The following SETBP1 variants were observed in gnomAD, a reference collection of about 807,000 sequenced individuals.
The protein encoded by SETBP1 is SET binding protein 1.
SETBP1 carries 9 observed loss-of-function variants against 101.0 expected under a neutral mutation model. The observed-to-expected ratio is 0.09, with a 90% CI of 0.05 to 0.16. SETBP1 has a LOEUF of 0.16. SETBP1 is among the 10% of genes least tolerant of loss of function. The pLI is 1.00. For missense variants in SETBP1, 1,858 were observed against 2,033.8 expected, an observed-to-expected ratio of 0.91 and a Z score of 1.66; for synonymous variants, 818 against 788.5, an observed-to-expected ratio of 1.04 and a Z score of -0.63.
At chr18:45,051,034 T>G (rs1243401774) in intron 5 of SETBP1, among the ~76,000 whole-genome samples, 2 of 152,200 alleles carry the variant, frequency 1.3e-5, no homozygotes, top group East Asian at 3.8e-4. Context: ...CATTTTGTTG[T>G]GTAATTAATG....
chr18:44,797,310 T>C (rs1239991937), intron 2 of SETBP1, among the ~76,000 whole-genome samples: 1 of 152,258 alleles, frequency 6.6e-6, no homozygotes, highest in Non-Finnish European at 1.5e-5. Context: ...TTATAACTCC[T>C]AAGCTTCAAT....
chr18:44,875,551 A>G (rs982221812), intron 3 of SETBP1, among the ~76,000 whole-genome samples: 1 of 148,892 alleles, frequency 6.7e-6, no homozygotes, highest in East Asian at 2.0e-4. Context: ...AAAAAAAAAA[A>G]GAAGGAGTGA....
At chr18:44,724,727 G>T (rs1361632292) in intron 2 of SETBP1, among the ~76,000 whole-genome samples, 1 of 152,126 alleles carries the variant, frequency 6.6e-6, no homozygotes, top group African/African-American at 2.4e-5. Context: ...TAAAGGACAG[G>T]GGTTAGCAGC....
intron 5 of SETBP1, among the ~76,000 whole-genome samples, chr18:45,054,211 A>C (rs910537485): frequency 6.6e-6 from 1 of 150,960 alleles, no homozygotes; most frequent in Admixed American, 6.6e-5. Flanking sequence ...TTTTTGAGAT[A>C]GAGTCTGGCT....
intron 2 of SETBP1, among the ~76,000 whole-genome samples, chr18:44,852,609 C>G (rs1451033586): frequency 6.6e-6 from 1 of 152,184 alleles, no homozygotes; most frequent in African/African-American, 2.4e-5. Flanking sequence ...TTCATGGCCT[C>G]CATCCCATTT....
chr18:45,063,766 G>T lies in SETBP1; in HGVS notation c.*68G>T. 6.5e-7 allele frequency: 1 copy of T among 1,527,310 alleles called. No individual in the cohort carries two copies. The highest frequency in any genetic ancestry group is 8.8e-7 in the Non-Finnish European group (1 of 1,130,966). The allele number at this position is 1,527,310 out of a possible 1,614,324, so 94.6% of individuals were successfully genotyped here. A position where few individuals can be genotyped will look rare whatever the true frequency, so the allele number is the denominator to read the frequency against. ...CGTGGGAAGCGCAGTGAGCCGGGGC[G>T]GGGGCGGAATCCCCCGCTGCAGGGA... On this transcript the variant is annotated 3_prime_UTR_variant, in exon 6 of 6. Coordinates refer to ENST00000649279, the MANE Select transcript of SETBP1 (RefSeq NM_015559.3).
chr18:44,801,090 T>C (rs1418483244), intron 2 of SETBP1, among the ~76,000 whole-genome samples: 1 of 151,866 alleles, frequency 6.6e-6, no homozygotes. Flanking sequence ...ATGAGAACAC[T>C]TGGACATAGG....
At chr18:44,979,095 C>T (rs2072053955) in intron 4 of SETBP1, among the ~76,000 whole-genome samples, 1 of 152,146 alleles carries the variant, frequency 6.6e-6, no homozygotes, top group Admixed American at 6.5e-5. Context: ...AGTAGGAGAC[C>T]TCTGAGAGCC....
chr18:45,049,175 T>C (rs1043616402), intron 5 of SETBP1, among the ~76,000 whole-genome samples: 2 of 152,086 alleles, frequency 1.3e-5, no homozygotes, highest in Non-Finnish European at 2.9e-5. Context: ...TTCAACTGAA[T>C]GGTACTAAGA....
intron 2 of SETBP1, among the ~76,000 whole-genome samples, chr18:44,770,578 C>CTGTTTT (rs954479657): frequency 4.3e-4 from 66 of 152,272 alleles, no homozygotes; most frequent in African/African-American, 7.0e-4. Context: ...ATATCTCACC[C>CTGTTTT]TGTTTTTGTT....
At chr18:44,760,363 A>G (rs1345264791) in intron 2 of SETBP1, among the ~76,000 whole-genome samples, 2 of 152,160 alleles carry the variant, frequency 1.3e-5, no homozygotes, top group Middle Eastern at 3.2e-3. Context: ...AGCTTAACCT[A>G]TAAATTATCA....
chr18:45,027,752 A>C (rs1290041770), intron 4 of SETBP1, among the ~76,000 whole-genome samples: 1 of 152,198 alleles, frequency 6.6e-6, no homozygotes, highest in Non-Finnish European at 1.5e-5. Flanking sequence ...GCCATAACAA[A>C]TTTCCACAAA....
At chr18:44,749,237 T>C (rs2070329557) in intron 2 of SETBP1, among the ~76,000 whole-genome samples, 1 of 152,208 alleles carries the variant, frequency 6.6e-6, no homozygotes, top group South Asian at 2.1e-4. Flanking sequence ...TTACCCCTCG[T>C]TGGGGAGTTA....
intron 1 of SETBP1, among the ~76,000 whole-genome samples, chr18:44,686,201 T>C (rs1006442517): frequency 2.0e-5 from 3 of 152,264 alleles, no homozygotes; most frequent in African/African-American, 7.2e-5. Context: ...TCCCTGACTC[T>C]TCTGTGTCCC....
chr18:45,063,830 T>A lies in SETBP1; in HGVS notation c.*132T>A. On this transcript the variant is annotated 3_prime_UTR_variant, in exon 6 of 6. Coordinates refer to ENST00000649279, the MANE Select transcript of SETBP1 (RefSeq NM_015559.3). ...CTCTCCAGAAGCCGGGCAGGCAGAA[T>A]CCGGCCAGACGACGGGGCTGAGCCA... 1 of 1,058,926 alleles carries A rather than the reference T, an allele frequency of 9.4e-7. No homozygotes were observed. The highest frequency in any genetic ancestry group is 2.5e-5 in the Admixed American group (1 of 39,884). The allele number at this position is 1,058,926 out of a possible 1,614,324, so 65.6% of individuals were successfully genotyped here.
At chr18:45,053,111 C>G (rs73952949) in intron 5 of SETBP1, among the ~76,000 whole-genome samples, 2 of 151,560 alleles carry the variant, frequency 1.3e-5, no homozygotes, top group Non-Finnish European at 2.9e-5. Context: ...CATGAGCCAA[C>G]AGTAGAATGT....
chr18:44,982,210 A>G (rs1199160865), intron 4 of SETBP1, among the ~76,000 whole-genome samples: 1 of 152,188 alleles, frequency 6.6e-6, no homozygotes, highest in East Asian at 1.9e-4. Context: ...AAATATACAA[A>G]TTGGGTGAGG....
chr18:44,819,715 A>G (rs2072064169), intron 2 of SETBP1, among the ~76,000 whole-genome samples: 1 of 152,198 alleles, frequency 6.6e-6, no homozygotes, highest in African/African-American at 2.4e-5. Flanking sequence ...GAGATCACAC[A>G]TGGCTTGACT....
intron 2 of SETBP1, among the ~76,000 whole-genome samples, chr18:44,782,936 T>TA (rs1455007096): frequency 3.3e-5 from 5 of 152,118 alleles, no homozygotes; most frequent in Non-Finnish European, 5.9e-5. Context: ...TTTTTGGGGG[T>TA]ACGTAGTAGG....
Sources: allele counts gnomAD v4.1 joint callset (sites outside exome capture counted in the v4.1 genomes callset), GRCh38; gene constraint gnomAD v4.1.1; transcripts MANE v1.5; gene names NCBI Gene and HGNC (gene_info 2026-07-23, HGNC 2026-07-21).